IL1RAPL1: variants seen among roughly 807,000 people sequenced by gnomAD.
The protein encoded by IL1RAPL1 is interleukin 1 receptor accessory protein like 1, also known as interleukin-1 receptor accessory protein-like 1.
IL1RAPL1 carries 3 observed loss-of-function variants against 48.4 expected under a neutral mutation model. The ratio of observed to expected loss-of-function variants is 0.06; its 90% CI spans 0.03 to 0.16. The LOEUF is 0.16. IL1RAPL1 is among the 10% of genes least tolerant of loss of function. The pLI, the probability that IL1RAPL1 is intolerant of heterozygous loss-of-function variation, is 1.00. For synonymous variants in IL1RAPL1, 185 were observed against 187.7 expected, an observed-to-expected ratio of 0.99 and a Z score of 0.12; for missense variants, 349 against 530.6, an observed-to-expected ratio of 0.66 and a Z score of 3.36.
chrX:28,649,397 A>G (rs1290494338), intron 1 of IL1RAPL1, among the ~76,000 whole-genome samples: 1 of 112,358 alleles, frequency 8.9e-6, no homozygotes, highest in Non-Finnish European at 1.9e-5. Flanking sequence ...AAACGAGAAC[A>G]AAATGAAGAA....
chrX:29,818,643 G>A (rs1035047169), intron 6 of IL1RAPL1, among the ~76,000 whole-genome samples: 2 of 111,932 alleles, frequency 1.8e-5, no homozygotes, highest in Admixed American at 1.9e-4. Flanking sequence ...GAAGTAAGCT[G>A]TGCTCTCAGT....
intron 5 of IL1RAPL1, among the ~76,000 whole-genome samples, chrX:29,498,997 T>C (rs1020420870): frequency 3.6e-5 from 4 of 112,467 alleles, no homozygotes; most frequent in African/African-American, 1.3e-4. Flanking sequence ...AGGTTCTTTG[T>C]TGACTGAAAC....
intron 2 of IL1RAPL1, among the ~76,000 whole-genome samples, chrX:28,864,085 G>T (rs757556955): frequency 1.8e-5 from 2 of 111,872 alleles, no homozygotes; most frequent in Non-Finnish European, 3.8e-5. Flanking sequence ...TATTTTACCA[G>T]ATTTTTAGAA....
At position 28,838,068 on chromosome X, in the gene IL1RAPL1, C is replaced by T. The variant is rs1921271878; in HGVS notation, c.82+48643C>T. ...GTTAGCTCTACTTTAGCACGAGAAA[C>T]AAATGCCCTGGAATCACTCTAGGAA... On this transcript the variant is annotated intron_variant, in intron 2 of 10. Transcript: ENST00000378993. Among the ~76,000 whole-genome samples, 3 of 110,729 alleles carry T rather than the reference C, an allele frequency of 2.7e-5. No homozygotes were observed. The South Asian group carries it at 1.1e-3, about 41-fold the overall frequency.
chrX:28,687,771 G>A (rs1264638237), intron 1 of IL1RAPL1, among the ~76,000 whole-genome samples: 1 of 101,806 alleles, frequency 9.8e-6, no homozygotes, highest in Non-Finnish European at 2.0e-5. Flanking sequence ...GACAGAGCGA[G>A]ACTCCGTCTC....
At chrX:29,731,244 A>C (rs943444888) in intron 6 of IL1RAPL1, among the ~76,000 whole-genome samples, 19 of 112,192 alleles carry the variant, frequency 1.7e-4, no homozygotes, top group African/African-American at 5.2e-4. Flanking sequence ...ATCTAGTCTC[A>C]CCAGGCCTGG....
intron 2 of IL1RAPL1, among the ~76,000 whole-genome samples, chrX:28,882,443 G>T (rs1922525451): frequency 8.9e-6 from 1 of 112,040 alleles, no homozygotes; most frequent in Non-Finnish European, 1.9e-5. Flanking sequence ...AGGAGTTTGA[G>T]ACCAGCCTGG....
Position 29,112,222 on chromosome X carries a change from G to A in IL1RAPL1, c.83-170716G>A, listed in dbSNP as rs182913647. On this transcript the variant is annotated intron_variant, in intron 2 of 10. Transcript: ENST00000378993. ...ATTATAGGTGTGAGCCATGGCACCTGGCCATATTTTCACTTTATTAATAGT... is the reference window on the plus strand; with the variant it reads ...ATTATAGGTGTGAGCCATGGCACCTAGCCATATTTTCACTTTATTAATAGT... Among the ~76,000 whole-genome samples, 53 of 111,101 alleles carry A rather than the reference G, an allele frequency of 4.8e-4. No homozygotes were observed. The South Asian group carries it at 0.02, about 42-fold the overall frequency.
intron 6 of IL1RAPL1, among the ~76,000 whole-genome samples, chrX:29,763,518 T>C (rs5927193): frequency 0.42 from 46,652 of 110,223 alleles, 7,312 homozygotes; most frequent in African/African-American, 0.52. Flanking sequence ...TTATAAGGAT[T>C]GCAACATTAA....
chrX:29,728,882 C>G (rs1471011720), intron 6 of IL1RAPL1, among the ~76,000 whole-genome samples: 1 of 111,660 alleles, frequency 9.0e-6, no homozygotes, highest in Non-Finnish European at 1.9e-5. Context: ...TATACCTCAG[C>G]TGGAATACCT....
chrX:29,089,866 T>A (rs1221452017), intron 2 of IL1RAPL1, among the ~76,000 whole-genome samples: 2 of 98,467 alleles, frequency 2.0e-5, no homozygotes, highest in Non-Finnish European at 4.1e-5. Flanking sequence ...AGTGAACTGT[T>A]ATGTTAGAAT....
At chrX:29,664,519 G>A (rs1488505778) in intron 5 of IL1RAPL1, among the ~76,000 whole-genome samples, 3 of 110,815 alleles carry the variant, frequency 2.7e-5, no homozygotes, top group African/African-American at 6.6e-5. Flanking sequence ...AAAATGTATC[G>A]AATATTCTCA....
At chrX:29,948,827 T>C (rs1431521601) in intron 9 of IL1RAPL1, among the ~76,000 whole-genome samples, 1 of 100,290 alleles carries the variant, frequency 1.0e-5, no homozygotes, top group East Asian at 2.9e-4. Context: ...TCATATATAC[T>C]TGAGAACAAA....
At chrX:29,228,374 A>AGTGT (rs1263194800) in intron 2 of IL1RAPL1, among the ~76,000 whole-genome samples, 1 of 90,893 alleles carries the variant, frequency 1.1e-5, no homozygotes, top group Non-Finnish European at 2.1e-5. Context: ...TGTGTGTGTG[A>AGTGT]GACAGAGTCT....
chrX:29,703,313 A>G (rs1265519821), intron 6 of IL1RAPL1, among the ~76,000 whole-genome samples: 3 of 110,672 alleles, frequency 2.7e-5, no homozygotes, highest in Non-Finnish European at 5.7e-5. Context: ...CATGGAATAT[A>G]TATTTTATTT....
intron 3 of IL1RAPL1, among the ~76,000 whole-genome samples, chrX:29,392,061 A>C (rs764950412): frequency 6.3e-5 from 7 of 111,727 alleles, no homozygotes; most frequent in Non-Finnish European, 9.4e-5. Context: ...AGTCTATACT[A>C]ATATTCTTTC....
chrX:29,340,518 T>G (rs1933059378), intron 3 of IL1RAPL1, among the ~76,000 whole-genome samples: 1 of 112,321 alleles, frequency 8.9e-6, no homozygotes, highest in Non-Finnish European at 1.9e-5. Flanking sequence ...GTATCAACAT[T>G]TCATTTCTTT....
intron 3 of IL1RAPL1, among the ~76,000 whole-genome samples, chrX:29,390,797 A>G (rs758065529): frequency 1.8e-5 from 2 of 111,952 alleles, no homozygotes; most frequent in Admixed American, 9.5e-5. Flanking sequence ...TTCCTTTTTT[A>G]CCTTCTGCCT....
intron 3 of IL1RAPL1, among the ~76,000 whole-genome samples, chrX:29,293,793 T>A (rs973696253): frequency 6.3e-5 from 7 of 111,480 alleles, no homozygotes; most frequent in Non-Finnish European, 1.1e-4. Flanking sequence ...GGTTATACTG[T>A]GATTATTACT....
Sources: gnomAD v4.1 joint callset for allele counts (sites outside exome capture counted in the v4.1 genomes callset) on GRCh38, gnomAD v4.1.1 for gene constraint, MANE v1.5 for transcripts, NCBI Gene and HGNC (gene_info 2026-07-23, HGNC 2026-07-21) for gene names.